The following LPL variants were observed in gnomAD, a reference collection of about 807,000 sequenced individuals.
LPL encodes lipoprotein lipase, also known as phospholipase A1.
Under a neutral mutation model 52.2 loss-of-function variants are expected in LPL, and 43 were observed. The ratio of observed to expected loss-of-function variants is 0.82; its 90% CI spans 0.64 to 1.06. The LOEUF is 1.06. Ranked by LOEUF, LPL falls within the 50% of genes least tolerant of loss-of-function variation. The probability of loss-of-function intolerance (pLI) is 0.00; values close to 1 mark genes in which losing one functional copy is unlikely to be tolerated. For missense variants in LPL, 639 were observed against 585.3 expected (o/e 1.09, Z -0.95); for synonymous variants, 244 against 215.6 (o/e 1.13, Z -1.15).
intron 2 of LPL, among the ~76,000 whole-genome samples, chr8:19,951,197 T>G (rs1260047378): frequency 6.6e-6 from 1 of 152,170 alleles, no homozygotes; most frequent in Non-Finnish European, 1.5e-5. Context: ...CTTTGCCACT[T>G]GCTTGGATGT....
chr8:19,965,047 A>G (rs556601938), intron 9 of LPL, among the ~76,000 whole-genome samples: 1 of 152,304 alleles, frequency 6.6e-6, no homozygotes, highest in South Asian at 2.1e-4. Flanking sequence ...AATCCTCTAA[A>G]TTTAGAAGTC....
chr8:19,958,113 G>A (rs551582600), intron 6 of LPL, among the ~76,000 whole-genome samples: 24 of 151,794 alleles, frequency 1.6e-4, no homozygotes, highest in South Asian at 8.3e-4. Flanking sequence ...TCTGCTTTCC[G>A]GTTCAAGCGA....
chr8:19,952,014 C>T (rs1411638118), intron 3 of LPL, 66 bp downstream of exon 3: 3 of 1,549,008 alleles, frequency 1.9e-6, no homozygotes, highest in Non-Finnish European at 2.7e-6. Flanking sequence ...AGAAAACCGG[C>T]TGTTCTTTCT....
chr8:19,943,738 G>C (rs1298788718), intron 1 of LPL, among the ~76,000 whole-genome samples: 2 of 152,148 alleles, frequency 1.3e-5, no homozygotes, highest in Middle Eastern at 3.2e-3. Context: ...CTCATTCAGT[G>C]GGGCAATTTT....
rs780370329 is a variant in LPL at position 19,959,399 on chromosome 8, C to T, written c.1139+19C>T. 45 of 1,613,514 alleles carry T rather than the reference C, an allele frequency of 2.8e-5. No homozygotes were observed. Among genetic ancestry groups the T allele is most frequent in the South Asian group, 2.1e-4 (19 of 91,056 alleles). ...TCACTCTGTGAGTAGCACAGGGGGG[C>T]GGTCATCATGGCACCAGTCCCTCTC... On this transcript the variant is annotated intron_variant, in intron 7 of 9. Coordinates refer to ENST00000650287, the MANE Select transcript of LPL (RefSeq NM_000237.3).
intron 1 of LPL, among the ~76,000 whole-genome samples, chr8:19,941,502 G>T (rs1008644284): frequency 6.6e-6 from 1 of 152,196 alleles, no homozygotes; most frequent in African/African-American, 2.4e-5. Flanking sequence ...TCTGAGCCTG[G>T]TGTAACTCTT....
intron 3 of LPL, among the ~76,000 whole-genome samples, chr8:19,952,329 T>C (rs531046783): frequency 6.6e-6 from 1 of 152,264 alleles, no homozygotes; most frequent in African/African-American, 2.4e-5. Context: ...GACATACCAA[T>C]CTCTTTCATG....
At chr8:19,957,694 T>C (rs1359146648) in intron 6 of LPL, among the ~76,000 whole-genome samples, 1 of 152,216 alleles carries the variant, frequency 6.6e-6, no homozygotes, top group Non-Finnish European at 1.5e-5. Flanking sequence ...TGGGGTTTTG[T>C]TGTTGTTCTT....
rs368837012 is a variant in LPL at position 19,963,527 on chromosome 8, T to A, written c.1427+1308T>A. On this transcript the variant is annotated intron_variant, in intron 9 of 9. Coordinates refer to ENST00000650287, the MANE Select transcript of LPL (RefSeq NM_000237.3). ...TTTTTAAATTCTACTTTATAATAGA[T>A]TTTATACATGTTTACTATAAATAGA... is the stretch of plus-strand genomic sequence containing the variant. Among the ~76,000 whole-genome samples the A allele has an allele frequency of 1.4e-4, 22 of 151,850 alleles. No homozygotes were observed. In the East Asian group the frequency reaches 3.3e-3, roughly 23 times the overall value.
At chr8:19,955,744 C>T (rs560469689) in intron 5 of LPL, 97 bp from the exon 6 acceptor site, 765 of 1,480,756 alleles carry the variant, frequency 5.2e-4, no homozygotes, top group South Asian at 2.0e-3. Flanking sequence ...GGTGATTCTA[C>T]TCTAACACCA....
intron 1 of LPL, among the ~76,000 whole-genome samples, chr8:19,947,848 T>C (rs973810255): frequency 2.0e-5 from 3 of 152,056 alleles, no homozygotes; most frequent in African/African-American, 7.2e-5. Context: ...GAAGACAGAA[T>C]TAACTAAGGA....
At chr8:19,949,914 T>C (rs1249274012) in intron 2 of LPL, among the ~76,000 whole-genome samples, 1 of 152,170 alleles carries the variant, frequency 6.6e-6, no homozygotes, top group Non-Finnish European at 1.5e-5. Context: ...ATCTCAATCT[T>C]ATCCCTGAGA....
At chr8:19,953,836 C>T (rs1003160004) in intron 4 of LPL, among the ~76,000 whole-genome samples, 1 of 152,182 alleles carries the variant, frequency 6.6e-6, no homozygotes, top group Admixed American at 6.5e-5. Context: ...GAACCCACCA[C>T]TGTTTATACA....
chr8:19,939,948 T>A lies in LPL; in HGVS notation c.88+420T>A, dbSNP rs950718646. Among the ~76,000 whole-genome samples, 7 of 152,124 alleles carry A rather than the reference T, an allele frequency of 4.6e-5. No individual in the cohort carries two copies. Among genetic ancestry groups the A allele is most frequent in the Non-Finnish European group, 8.8e-5 (6 of 68,006 alleles). ...GGAATGAAAGGCGCGCGGGCCAAGG[T>A]GACCTCGCCTTGGTTGGCACTGCGG... On this transcript the variant is annotated intron_variant, in intron 1 of 9. Transcript: ENST00000650287. The surrounding 1 kb of genome is among the most constrained non-coding windows in gnomAD (Gnocchi z 4.0).
intron 1 of LPL, among the ~76,000 whole-genome samples, chr8:19,942,346 A>G (rs1189767838): frequency 6.6e-6 from 1 of 152,214 alleles, no homozygotes; most frequent in African/African-American, 2.4e-5. Context: ...TCCAGCCATC[A>G]AAATGATGGT....
chr8:19,941,768 G>A (rs764956965), intron 1 of LPL, among the ~76,000 whole-genome samples: 2 of 152,124 alleles, frequency 1.3e-5, no homozygotes, highest in Non-Finnish European at 2.9e-5. Context: ...AGATGTCACC[G>A]TGGTAGAAAG....
chr8:19,946,781 T>C (rs557928626), intron 1 of LPL: 3 of 156,148 alleles, frequency 1.9e-5, no homozygotes, highest in African/African-American at 7.2e-5. Flanking sequence ...TTCCCTTTGA[T>C]TGTGCTCTGC....
intron 6 of LPL, among the ~76,000 whole-genome samples, chr8:19,958,744 G>A (rs771459390): frequency 6.6e-6 from 1 of 152,108 alleles, no homozygotes; most frequent in Non-Finnish European, 1.5e-5. Context: ...CTAGATGGTG[G>A]GGGAATTAAG....
At chr8:19,961,585 G>A (rs912322993) in intron 8 of LPL, among the ~76,000 whole-genome samples, 1 of 151,950 alleles carries the variant, frequency 6.6e-6, no homozygotes, top group East Asian at 1.9e-4. Context: ...AAATGTGCTG[G>A]GATTTTGCAA....
Sources: allele counts gnomAD v4.1 joint callset (sites outside exome capture counted in the v4.1 genomes callset), GRCh38; gene constraint gnomAD v4.1.1; non-coding constraint Gnocchi (gnomAD v3.1); transcripts MANE v1.5; gene names NCBI Gene and HGNC (gene_info 2026-07-23, HGNC 2026-07-21).